PRKN: variants seen among roughly 807,000 people sequenced by gnomAD.
PRKN encodes parkin RBR E3 ubiquitin protein ligase, also known as E3 ubiquitin-protein ligase parkin.
In PRKN, 56 loss-of-function variants were observed where a neutral mutation model predicts 59.5. The observed-to-expected ratio is 0.94, with a 90% CI of 0.76 to 1.18. PRKN has a LOEUF of 1.18. Ranked by LOEUF, PRKN falls within the 50% of genes most tolerant of loss-of-function variation. The pLI is 0.00. For synonymous variants in PRKN, 250 were observed against 222.1 expected, an observed-to-expected ratio of 1.13 and a Z score of -1.12; for missense variants, 657 against 596.4, an observed-to-expected ratio of 1.10 and a Z score of -1.06.
chr6:162,456,338 T>G (rs1790870825), intron 1 of PRKN, among the ~76,000 whole-genome samples: 1 of 152,154 alleles, frequency 6.6e-6, no homozygotes, highest in Non-Finnish European at 1.5e-5. Context: ...ATTTTTATGC[T>G]TAGTAATTAT....
chr6:161,475,578 C>G lies in PRKN; in HGVS notation c.1083+73276G>C, dbSNP rs1791027247. On this transcript the variant is annotated intron_variant, in intron 9 of 11. Coordinates refer to ENST00000366898, the MANE Select transcript of PRKN (RefSeq NM_004562.3). This position sits in a 1 kb window ranked among gnomAD's most constrained non-coding sequence, Gnocchi z 5.3. ...GAGTGCCGCGGTGCAATACAACTTGCCGCAGTCTTGACCTCCTGGGCTCAA... is the reference window on the plus strand; with the variant it reads ...GAGTGCCGCGGTGCAATACAACTTGGCGCAGTCTTGACCTCCTGGGCTCAA... 6.6e-6 allele frequency among the ~76,000 whole-genome samples: 1 copy of G among 152,130 alleles called. No individual in the cohort carries two copies. Among genetic ancestry groups the G allele is most frequent in the Non-Finnish European group, 1.5e-5 (1 of 68,022 alleles).
chr6:161,891,015 T>TTTCACTC (rs1390877519), intron 6 of PRKN, among the ~76,000 whole-genome samples: 2 of 152,030 alleles, frequency 1.3e-5, no homozygotes, highest in Non-Finnish European at 2.9e-5. Context: ...CCGAGGGAGA[T>TTTCACTC]TTCACTCTTG....
chr6:161,646,630 C>T (rs1280017228), intron 7 of PRKN, among the ~76,000 whole-genome samples: 2 of 152,032 alleles, frequency 1.3e-5, no homozygotes, highest in African/African-American at 2.4e-5. Context: ...GTAGTCACTG[C>T]GTTCATACGC....
intron 7 of PRKN, among the ~76,000 whole-genome samples, chr6:161,700,600 T>C (rs1172326939): frequency 6.6e-6 from 1 of 152,164 alleles, no homozygotes; most frequent in East Asian, 1.9e-4. Flanking sequence ...TATGTCCAAC[T>C]AAAACCAAAC....
intron 1 of PRKN, among the ~76,000 whole-genome samples, chr6:162,628,471 T>A (rs1782983216): frequency 1.3e-5 from 2 of 152,140 alleles, no homozygotes; most frequent in Admixed American, 6.6e-5. Flanking sequence ...TAAGTAGGTA[T>A]CAGTATCCCT....
At chr6:161,630,006 C>A (rs1452845167) in intron 7 of PRKN, among the ~76,000 whole-genome samples, 2 of 152,256 alleles carry the variant, frequency 1.3e-5, no homozygotes, top group East Asian at 1.9e-4. Flanking sequence ...CTTTGGTGCA[C>A]CCTGAGTTGA....
At position 162,011,941 on chromosome 6, in the gene PRKN, T is replaced by C. The variant is rs1384807907; in HGVS notation, c.619-38524A>G. On this transcript the variant is annotated intron_variant, in intron 5 of 11. Coordinates refer to ENST00000366898, the MANE Select transcript of PRKN (RefSeq NM_004562.3). ...AATTGATGGATAGCAGAGATTTAGG[T>C]AGATATATATTTAGATAGCTAGCTA... Among the ~76,000 whole-genome samples, 4 of 152,068 alleles carry C rather than the reference T, an allele frequency of 2.6e-5. No individual in the cohort carries two copies. The East Asian group carries it at 5.8e-4, about 22-fold the overall frequency.
intron 9 of PRKN, among the ~76,000 whole-genome samples, chr6:161,404,250 A>T (rs539436289): frequency 6.6e-6 from 1 of 152,292 alleles, no homozygotes; most frequent in East Asian, 1.9e-4. Context: ...CTATCTAAGT[A>T]CTTGGCCCTG....
In PRKN at chr6:161,463,965, TG is replaced by T. The variant is rs1230888561; in HGVS notation, c.1084-77089del. ...TTAGGGTTTTTTTTGTTTTTGTTTTTGTTTTTGTTTTTTTGAGAAGGAGTTT... is the reference window on the plus strand; with the variant it reads ...TTAGGGTTTTTTTTGTTTTTGTTTTTTTTTTGTTTTTTTGAGAAGGAGTTT... On this transcript the variant is annotated intron_variant, in intron 9 of 11. Coordinates refer to ENST00000366898, the MANE Select transcript of PRKN (RefSeq NM_004562.3). The surrounding 1 kb of genome is among the most constrained non-coding windows in gnomAD (Gnocchi z 4.8). Among the ~76,000 whole-genome samples, 1 of 152,184 alleles carries T rather than the reference TG, an allele frequency of 6.6e-6. No homozygotes were observed. The highest frequency in any genetic ancestry group is 1.5e-5 in the Non-Finnish European group (1 of 68,036).
chr6:161,905,080 G>A lies in PRKN; in HGVS notation c.734+68222C>T, dbSNP rs377047646. The stretch of plus-strand genomic sequence containing the variant: ...TCCACCACGTAAAATAAAGAAACAG[G>A]AGCCTGGGCGGTATTTTCACCTCGT... On this transcript the variant is annotated intron_variant, in intron 6 of 11. Transcript: ENST00000366898. 4.3e-4 allele frequency among the ~76,000 whole-genome samples: 65 copies of A among 152,120 alleles called. 1 individual carries two copies. The highest frequency in any genetic ancestry group is 5.9e-4 in the Non-Finnish European group (40 of 68,034).
chr6:162,003,388 G>A (rs1447723069), intron 5 of PRKN, among the ~76,000 whole-genome samples: 3 of 152,068 alleles, frequency 2.0e-5, no homozygotes, highest in African/African-American at 7.2e-5. Flanking sequence ...TTTAAGTGCT[G>A]AGACTATTTT....
In PRKN at chr6:161,544,882, A is replaced by G. The variant is rs570306120; in HGVS notation, c.1083+3972T>C. Among the ~76,000 whole-genome samples, 1 of 152,326 alleles carries G rather than the reference A, an allele frequency of 6.6e-6. No homozygotes were observed. Among genetic ancestry groups the G allele is most frequent in the South Asian group, 2.1e-4 (1 of 4,824 alleles). ...CCAATGGACATTCCCATATGTTTGA[A>G]CAAAAGAGTCATAAATACTAACTAT... On this transcript the variant is annotated intron_variant, in intron 9 of 11. Transcript: ENST00000366898. The surrounding 1 kb of genome is among the most constrained non-coding windows in gnomAD (Gnocchi z 5.5).
intron 7 of PRKN, among the ~76,000 whole-genome samples, chr6:161,755,284 C>A (rs1055458308): frequency 6.6e-6 from 1 of 151,526 alleles, no homozygotes; most frequent in African/African-American, 2.4e-5. Flanking sequence ...ACGCACTCTC[C>A]CAACATACTG....
At chr6:162,408,410 C>T (rs1278313312) in intron 2 of PRKN, among the ~76,000 whole-genome samples, 2 of 152,056 alleles carry the variant, frequency 1.3e-5, no homozygotes, top group African/African-American at 2.4e-5. Flanking sequence ...TTCAAAGAAG[C>T]ACTCACAAAA....
At chr6:161,928,082 A>G (rs1331260727) in intron 6 of PRKN, among the ~76,000 whole-genome samples, 1 of 152,184 alleles carries the variant, frequency 6.6e-6, no homozygotes, top group East Asian at 1.9e-4. Context: ...GATTGGGATT[A>G]GTGTCTTTAT....
At chr6:162,466,582 T>C (rs979909326) in intron 1 of PRKN, among the ~76,000 whole-genome samples, 1 of 152,080 alleles carries the variant, frequency 6.6e-6, no homozygotes, top group African/African-American at 2.4e-5. Context: ...TATTCTTGTT[T>C]TTTTTTTAGA....
chr6:161,476,907 A>C (rs1164633698), intron 9 of PRKN, among the ~76,000 whole-genome samples: 1 of 152,234 alleles, frequency 6.6e-6, no homozygotes, highest in Admixed American at 6.5e-5. Context: ...AGGAGCTGCT[A>C]ACAGAAAAAC....
chr6:162,247,942 T>G (rs1779265138), intron 3 of PRKN, among the ~76,000 whole-genome samples: 1 of 152,170 alleles, frequency 6.6e-6, no homozygotes, highest in African/African-American at 2.4e-5. Context: ...GACAACTACT[T>G]TAATTTCCCC....
In PRKN at chr6:161,819,180, T is replaced by C. The variant is rs111318265; in HGVS notation, c.735-33272A>G. On this transcript the variant is annotated intron_variant, in intron 6 of 11. Coordinates refer to ENST00000366898, the MANE Select transcript of PRKN (RefSeq NM_004562.3). ...AAAATAAAGGGGATACATAGGTAGATGAATACAGATGTGATACCCTTTAAA... is the reference window on the plus strand; with the variant it reads ...AAAATAAAGGGGATACATAGGTAGACGAATACAGATGTGATACCCTTTAAA... Among the ~76,000 whole-genome samples, 145 of 152,258 alleles carry C rather than the reference T, an allele frequency of 9.5e-4. 1 individual carries two copies. Among genetic ancestry groups the C allele is most frequent in the African/African-American group, 3.1e-3 (128 of 41,554 alleles).
Sources: gnomAD v4.1 joint callset for allele counts (sites outside exome capture counted in the v4.1 genomes callset) on GRCh38, gnomAD v4.1.1 for gene constraint, Gnocchi (gnomAD v3.1) non-coding constraint, MANE v1.5 for transcripts, NCBI Gene and HGNC (gene_info 2026-07-23, HGNC 2026-07-21) for gene names.